FOXRED2: variants seen among roughly 807,000 people sequenced by gnomAD.
The protein encoded by FOXRED2 is FAD-dependent oxidoreductase domain-containing protein 2.
Under a neutral mutation model 52.5 loss-of-function variants are expected in FOXRED2, and 32 were observed. The observed-to-expected ratio is 0.61, with a 90% confidence interval of 0.46 to 0.82. The LOEUF is 0.82. Among genes scored for constraint, FOXRED2 ranks in the 40% least tolerant of loss-of-function variants. The pLI is 0.00. For synonymous variants in FOXRED2, 405 were observed against 398.1 expected, an observed-to-expected ratio of 1.02 and a Z score of -0.21; for missense variants, 848 against 937.5, an observed-to-expected ratio of 0.90 and a Z score of 1.25.
Position 36,496,139 on chromosome 22 carries a change from T to C in FOXRED2, c.1452A>G (p.Thr484=), listed in dbSNP as rs1483069612. 6.2e-7 allele frequency: 1 copy of C among 1,614,162 alleles called. No individual in the cohort carries two copies. Among genetic ancestry groups the C allele is most frequent in the Non-Finnish European group, 8.5e-7 (1 of 1,180,040 alleles). The change falls in exon 7 of 9, where the codon ACA becomes ACG. Residue 484 remains threonine, a synonymous_variant. Transcript: ENST00000397224. ...IQMLAQLETL[T]GRKAKHGLFV... is the part of the protein sequence containing the mutation. ...AGAGCCCGTGCTTTGCCTTCCTCCC[T>C]GTGAGTGTCTCCAGCTGGGCCAGCA...
In FOXRED2 at chr22:36,493,794, A is replaced by G. The variant is rs1332812391; in HGVS notation, c.1634T>C (p.Val545Ala). 2 of 1,613,732 alleles carry G rather than the reference A, an allele frequency of 1.2e-6. No homozygotes were observed. Among genetic ancestry groups the G allele is most frequent in the East Asian group, 4.5e-5 (2 of 44,860 alleles). Residue 545 changes from valine to alanine, a missense_variant, in exon 8 of 9, where the codon GTG becomes GCG. Coordinates refer to ENST00000397224, the MANE Select transcript of FOXRED2 (RefSeq NM_001102371.2). ...GGGCCAGTGTGCAGGGCGGAACCTC[A>G]CCTCCTGTTCTGTGGGGAGGAGAGA... is the stretch of plus-strand genomic sequence containing the variant. The part of the protein sequence containing the change: ...YYRYLPTEQE[V>A]RFRPAHWPLP...
At chr22:36,492,661 C>A (rs1201687604) in intron 8 of FOXRED2, among the ~76,000 whole-genome samples, 1 of 152,148 alleles carries the variant, frequency 6.6e-6, no homozygotes, top group African/African-American at 2.4e-5. Flanking sequence ...GGATTACAGG[C>A]ACCCACCACT....
At chr22:36,492,606 G>A (rs922255593) in intron 8 of FOXRED2, among the ~76,000 whole-genome samples, 1 of 152,148 alleles carries the variant, frequency 6.6e-6, no homozygotes. Flanking sequence ...TCCGCCTTCC[G>A]GGTTCAAGCG....
intron 5 of FOXRED2, chr22:36,498,544 G>A (rs957684021): frequency 1.7e-5 from 3 of 180,496 alleles, no homozygotes; most frequent in East Asian, 1.4e-4. Flanking sequence ...GAGTCCCACC[G>A]GCCCCACCTC....
chr22:36,506,456 C>A, intron 1 of FOXRED2, 33 bp from the exon 2 acceptor site: 1 of 1,416,896 alleles, frequency 7.1e-7, no homozygotes, highest in Non-Finnish European at 9.2e-7. Context: ...GGCCTCGCAC[C>A]CGGCCCGGCG....
In FOXRED2 at chr22:36,504,892, G is replaced by T. The variant is rs972278153; in HGVS notation, c.528-126C>A. ...ACCGCCGGCCCCTAAAAGAAAATAGGACATTCATTCATTCATTTTTCATTC... is the reference window on the plus strand; with the variant it reads ...ACCGCCGGCCCCTAAAAGAAAATAGTACATTCATTCATTCATTTTTCATTC... On this transcript the variant is annotated intron_variant, in intron 2 of 8. Transcript: ENST00000397224. 7 of 941,272 alleles carry T rather than the reference G, an allele frequency of 7.4e-6. No individual in the cohort carries two copies. In the Admixed American group the frequency reaches 1.0e-4, roughly 14 times the overall value. 58.3% of individuals were successfully genotyped at this position (941,272 alleles called of 1,614,324 possible). A position where few individuals can be genotyped will look rare whatever the true frequency, so the allele number is the denominator to read the frequency against.
intron 4 of FOXRED2, among the ~76,000 whole-genome samples, chr22:36,503,725 G>C (rs1029557377): frequency 5.3e-5 from 8 of 152,218 alleles, no homozygotes; most frequent in Admixed American, 4.6e-4. Context: ...TTCCGCCGAG[G>C]TCACAGATTT....
intron 7 of FOXRED2, 106 bp downstream of exon 7, chr22:36,495,861 A>T: frequency 7.7e-7 from 1 of 1,294,998 alleles, no homozygotes; most frequent in Non-Finnish European, 1.1e-6. Context: ...CAGCCATCCC[A>T]CCTGTCAGCT....
intron 5 of FOXRED2, 127 bp downstream of exon 5, chr22:36,501,114 A>C: frequency 1.0e-6 from 1 of 995,534 alleles, no homozygotes. Context: ...CCCCAAGACA[A>C]TTTATGACAA....
chr22:36,497,930 C>A, intron 6 of FOXRED2, 61 bp downstream of exon 6: 2 of 1,545,272 alleles, frequency 1.3e-6, no homozygotes, highest in Admixed American at 1.8e-5. Context: ...GGAAGAGAAG[C>A]GCTATGCAGC....
rs762816999 is a variant in FOXRED2 at position 36,493,638 on chromosome 22, T to C, written c.1790A>G (p.Tyr597Cys). Residue 597 changes from tyrosine to cysteine, a missense_variant, in exon 8 of 9, where the codon TAT becomes TGT. Tyr to Cys is a radical substitution (Grantham distance 194). Coordinates refer to ENST00000397224, the MANE Select transcript of FOXRED2 (RefSeq NM_001102371.2). ...TTTCTGGGAGCTTAAGTTACCTGCA[T>C]AGAAGCTTCGCAAATCGGTGTCCAA... ...NCLDTDLRSF[Y>C]AESCFLFALT... 4 of 1,614,032 alleles carry C rather than the reference T, an allele frequency of 2.5e-6. No individual in the cohort carries two copies. The Admixed American group carries it at 5.0e-5, about 20-fold the overall frequency.
rs369246846 is a variant in FOXRED2, at chr22:36,496,218, C to G, written c.1383-10G>C. On this transcript the variant is annotated splice_polypyrimidine_tract_variant and intron_variant, in intron 6 of 8. Transcript: ENST00000397224. The stretch of plus-strand genomic sequence containing the variant: ...AAAGGCCGTGGAATTCCTGGGAGAA[C>G]AGCAACGCGGGGGAGGCCCTCAGTG... 1.9e-5 allele frequency: 30 copies of G among 1,612,984 alleles called. No individual in the cohort carries two copies. In the Middle Eastern group the frequency reaches 7.6e-4, roughly 41 times the overall value.
chr22:36,494,674 C>G, intron 7 of FOXRED2, among the ~76,000 whole-genome samples: 1 of 152,076 alleles, frequency 6.6e-6, no homozygotes, highest in East Asian at 1.9e-4. Context: ...GAGTCTCGCT[C>G]TGTCTCCCAG....
At chr22:36,496,603 C>T (rs980737006) in intron 6 of FOXRED2, among the ~76,000 whole-genome samples, 4 of 152,182 alleles carry the variant, frequency 2.6e-5, no homozygotes, top group Non-Finnish European at 4.4e-5. Flanking sequence ...CCTCCCATGA[C>T]GAGACGTGAG....
In FOXRED2 at chr22:36,496,108, T is replaced by C. The variant is rs556650099; in HGVS notation, c.1483A>G (p.Ile495Val). Reference sequence around the variant, plus strand: ...AAATTTCTGCCATATTCCATGTTGATGACGAAGAGCCCGTGCTTTGCCTTC... The same window carrying C: ...AAATTTCTGCCATATTCCATGTTGACGACGAAGAGCCCGTGCTTTGCCTTC... The part of the protein sequence containing the change: ...GRKAKHGLFV[I>V]NMEYGRNFSG... Residue 495 changes from isoleucine (I) to valine (V), a missense_variant, in exon 7 of 9, where the codon ATC becomes GTC. By Grantham distance (29) the Ile-to-Val change is conservative. Coordinates refer to ENST00000397224, the MANE Select transcript of FOXRED2 (RefSeq NM_001102371.2). 1.2e-6 allele frequency: 2 copies of C among 1,614,214 alleles called. No homozygotes were observed. Among genetic ancestry groups the C allele is most frequent in the Non-Finnish European group, 8.5e-7 (1 of 1,180,030 alleles).
chr22:36,506,786 G>C, intron 1 of FOXRED2: 1 of 203,414 alleles, frequency 4.9e-6, no homozygotes, highest in Non-Finnish European at 9.8e-6. Context: ...ACCTTCCAGA[G>C]GCCTTGGCCC....
At chr22:36,502,856 C>T (rs1014338316) in intron 4 of FOXRED2, among the ~76,000 whole-genome samples, 1 of 152,058 alleles carries the variant, frequency 6.6e-6, no homozygotes, top group Non-Finnish European at 1.5e-5. Context: ...CCATGCCTGG[C>T]TAATTTTTTG....
intron 8 of FOXRED2, among the ~76,000 whole-genome samples, chr22:36,490,993 C>T (rs968325547): frequency 6.6e-6 from 1 of 152,114 alleles, no homozygotes; most frequent in African/African-American, 2.4e-5. Context: ...GAAACCCCGT[C>T]TCTAGTAAAA....
chr22:36,500,458 C>T (rs1934013747), intron 5 of FOXRED2, among the ~76,000 whole-genome samples: 1 of 152,078 alleles, frequency 6.6e-6, no homozygotes, highest in African/African-American at 2.4e-5. Context: ...TATTTTAGTG[C>T]AATAAATAGA....
Sources: gnomAD v4.1 joint callset for allele counts (sites outside exome capture counted in the v4.1 genomes callset) on GRCh38, gnomAD v4.1.1 for gene constraint, MANE v1.5 for transcripts, NCBI Gene and HGNC (gene_info 2026-07-23, HGNC 2026-07-21) for gene names.